CATSPERD: variants seen among roughly 807,000 people sequenced by gnomAD.
CATSPERD encodes catsper channel auxiliary subunit delta, also known as cation channel sperm-associated auxiliary subunit delta.
Under a neutral mutation model 98.1 loss-of-function variants are expected in CATSPERD, and 86 were observed. The observed-to-expected ratio is 0.88, with a 90% CI of 0.74 to 1.05. The LOEUF (loss-of-function observed/expected upper bound fraction) is 1.05, where lower values mean the gene tolerates loss of function less well. Ranked by LOEUF, CATSPERD falls within the 50% of genes least tolerant of loss-of-function variation. CATSPERD has a pLI of 0.00. For synonymous variants in CATSPERD, 394 were observed against 390.2 expected, an observed-to-expected ratio of 1.01 and a Z score of -0.12; for missense variants, 995 against 1,005.7, an observed-to-expected ratio of 0.99 and a Z score of 0.14.
intron 18 of CATSPERD, among the ~76,000 whole-genome samples, chr19:5,770,396 C>T (rs1053903212): frequency 2.7e-5 from 4 of 149,978 alleles, no homozygotes; most frequent in African/African-American, 9.9e-5. Flanking sequence ...CACCACTGTG[C>T]TCCAGCCTGG....
At chr19:5,772,671 C>A (rs2056671793) in intron 19 of CATSPERD, 117 bp from the exon 20 acceptor site, 8 of 1,038,548 alleles carry the variant, frequency 7.7e-6, no homozygotes, top group African/African-American at 1.6e-5. Flanking sequence ...CCTTTGGTTT[C>A]CTCTCTGTCA....
chr19:5,726,053 C>T (rs569787770), intron 2 of CATSPERD, among the ~76,000 whole-genome samples: 1 of 151,380 alleles, frequency 6.6e-6, no homozygotes. Flanking sequence ...GAATAATTAC[C>T]CTGTTAATTT....
intron 2 of CATSPERD, among the ~76,000 whole-genome samples, chr19:5,725,254 C>A (rs371042381): frequency 6.6e-6 from 1 of 152,160 alleles, no homozygotes; most frequent in African/African-American, 2.4e-5. Context: ...CCAGCTCAAG[C>A]GATTCTCATG....
intron 4 of CATSPERD, among the ~76,000 whole-genome samples, chr19:5,730,329 G>A (rs1479876226): frequency 3.3e-5 from 5 of 151,868 alleles, no homozygotes; most frequent in African/African-American, 1.2e-4. Flanking sequence ...CAGATCACAA[G>A]GTCAAGAGAC....
chr19:5,765,505 A>G (rs2056521610), intron 16 of CATSPERD, among the ~76,000 whole-genome samples: 1 of 151,964 alleles, frequency 6.6e-6, no homozygotes, highest in African/African-American at 2.4e-5. Flanking sequence ...ACCAGGGATC[A>G]TGCTGGGCTC....
intron 13 of CATSPERD, among the ~76,000 whole-genome samples, chr19:5,754,542 G>A (rs2145796392): frequency 6.6e-6 from 1 of 151,922 alleles, no homozygotes; most frequent in South Asian, 2.1e-4. Context: ...GGGATTACCA[G>A]CATGTGCCAC....
At chr19:5,769,455 G>A (rs1208757145) in intron 18 of CATSPERD, among the ~76,000 whole-genome samples, 1 of 152,032 alleles carries the variant, frequency 6.6e-6, no homozygotes, top group East Asian at 1.9e-4. Flanking sequence ...AAACACCTCT[G>A]ACTAGGCTCC....
intron 12 of CATSPERD, 85 bp downstream of exon 12, chr19:5,751,908 GC>G: frequency 2.3e-6 from 3 of 1,287,726 alleles, no homozygotes; most frequent in South Asian, 1.6e-5. Flanking sequence ...CACGCCTGTA[GC>G]CCCAGTTGCT....
intron 13 of CATSPERD, 140 bp downstream of exon 13, chr19:5,754,385 CTCTG>C (rs2056284576): frequency 2.4e-6 from 1 of 414,796 alleles, no homozygotes. Context: ...TAGAAATTGT[CTCTG>C]TGTCTTTTTT....
rs556362293 is a variant in CATSPERD at position 5,778,639 on chromosome 19, G to A, written c.2360G>A (p.Arg787His). The change falls in exon 22 of 22, where the codon CGC becomes CAC. Residue 787 changes from arginine (R) to histidine (H), a missense_variant. Arg to His is a conservative substitution (Grantham distance 29). Coordinates refer to ENST00000381624, the MANE Select transcript of CATSPERD (RefSeq NM_152784.4). ...TARAGTEPPG[R>H]HRTPHGGRSD... ...AGGGCAGGCACAGAGCCCCCGGGAC[G>A]CCACCGCACTCCTCACGGAGGCAGG... is the stretch of plus-strand genomic sequence containing the variant. 1.4e-5 allele frequency: 22 copies of A among 1,613,546 alleles called. No individual in the cohort carries two copies. Among genetic ancestry groups the A allele is most frequent in the South Asian group, 5.5e-5 (5 of 91,066 alleles).
chr19:5,757,775 G>C (rs2056353626), intron 13 of CATSPERD, 68 bp from the exon 14 acceptor site: 7 of 1,210,304 alleles, frequency 5.8e-6, no homozygotes, highest in Admixed American at 1.8e-5. Context: ...TGGGCTCACT[G>C]TGGGGGTTTG....
In CATSPERD at chr19:5,748,168, G is replaced by T. The variant is rs201202287; in HGVS notation, c.817G>T (p.Val273Phe). 3 of 1,613,852 alleles carry T rather than the reference G, an allele frequency of 1.9e-6. No individual in the cohort carries two copies. The highest frequency in any genetic ancestry group is 2.5e-6 in the Non-Finnish European group (3 of 1,179,882). ...LLFSHNAGQL[V>F]DTVRVKKGDQ... ...GTCCTGTTACCTCCTAGGTCAGCTC[G>T]TCGACACCGTCCGGGTGAAAAAAGG... The change falls in exon 10 of 22, where the codon GTC (valine) becomes TTC (phenylalanine). Residue 273 changes from valine (V) to phenylalanine (F), a missense_variant. By Grantham distance (50) the Val-to-Phe change is conservative. Coordinates refer to ENST00000381624, the MANE Select transcript of CATSPERD (RefSeq NM_152784.4).
intron 19 of CATSPERD, among the ~76,000 whole-genome samples, chr19:5,771,612 C>T: frequency 1.3e-5 from 2 of 151,406 alleles, no homozygotes; most frequent in East Asian, 1.9e-4. Context: ...ACTCTGTCAC[C>T]CAGGCTGGAG....
intron 15 of CATSPERD, among the ~76,000 whole-genome samples, chr19:5,760,471 C>T (rs1406435953): frequency 1.3e-5 from 2 of 151,418 alleles, no homozygotes; most frequent in Admixed American, 6.6e-5. Context: ...GGACAACATG[C>T]TCAGTGCAAT....
chr19:5,752,682 A>C (rs1319031052), intron 12 of CATSPERD, among the ~76,000 whole-genome samples: 1 of 152,112 alleles, frequency 6.6e-6, no homozygotes, highest in Non-Finnish European at 1.5e-5. Flanking sequence ...GGAAATCCAG[A>C]TTTTGAGAAA....
Position 5,748,180 on chromosome 19 carries a change from CGG to C in CATSPERD, c.831_832del (p.Val278GlufsTer13), listed in dbSNP as rs1568355377. The C allele has an allele frequency of 6.2e-7, 1 of 1,613,718 alleles. No individual in the cohort carries two copies. Among genetic ancestry groups the C allele is most frequent in the Non-Finnish European group, 8.5e-7 (1 of 1,179,880 alleles). ...CCTAGGTCAGCTCGTCGACACCGTC[CGG>C]GTGAAAAAAGGAGACCAGACCTTGT... Reference protein sequence around the residue: ...HNAGQLVDTVRVKKGDQTLFS... With the variant: ...HNAGQLVDTVXVKKGDQTLFS... On this transcript the variant is annotated frameshift_variant, in exon 10 of 22. Coordinates refer to ENST00000381624, the MANE Select transcript of CATSPERD (RefSeq NM_152784.4). LOFTEE classifies it high-confidence loss of function.
intron 9 of CATSPERD, among the ~76,000 whole-genome samples, chr19:5,747,610 C>CTTTTTTTTTTT (rs10603074): frequency 8.0e-5 from 7 of 87,626 alleles, no homozygotes; most frequent in Non-Finnish European, 1.1e-4. Flanking sequence ...TTTTTCTTTT[C>CTTTTTTTTTTT]TTTTTTTTTT....
rs547025562 is a variant in CATSPERD at position 5,725,712 on chromosome 19, C to T, written c.126+850C>T. Among the ~76,000 whole-genome samples, 4 of 151,928 alleles carry T rather than the reference C, an allele frequency of 2.6e-5. No homozygotes were observed. In the East Asian group the frequency reaches 5.9e-4, roughly 22 times the overall value. Reference sequence around the variant, plus strand: ...GGTCAGGAGTTCAAGACCAGCCTGGCCAATATGGTGAAACCCCGTCTCTAC... The same window carrying T: ...GGTCAGGAGTTCAAGACCAGCCTGGTCAATATGGTGAAACCCCGTCTCTAC... On this transcript the variant is annotated intron_variant, in intron 2 of 21. Transcript: ENST00000381624.
intron 5 of CATSPERD, 103 bp downstream of exon 5, chr19:5,734,073 A>G (rs2055790894): frequency 1.5e-6 from 1 of 678,018 alleles, no homozygotes; most frequent in East Asian, 2.8e-5. Flanking sequence ...TTGGATGTCA[A>G]CCCCAGGACA....
Sources: gnomAD v4.1 joint callset for allele counts (sites outside exome capture counted in the v4.1 genomes callset) on GRCh38, gnomAD v4.1.1 for gene constraint, MANE v1.5 for transcripts, NCBI Gene and HGNC (gene_info 2026-07-23, HGNC 2026-07-21) for gene names.